Variants in TNFRSF8 observed in about 807,000 individuals in gnomAD.
TNFRSF8 encodes TNF receptor superfamily member 8, also known as tumor necrosis factor receptor superfamily member 8.
A neutral mutation model predicts 70.8 loss-of-function variants in TNFRSF8; 26 were observed. That is an observed-to-expected ratio of 0.37 (90% confidence interval 0.27 to 0.51). The LOEUF (loss-of-function observed/expected upper bound fraction) is 0.51, where lower values mean the gene tolerates loss of function less well. TNFRSF8 is among the 20% of genes least tolerant of loss of function. The probability of loss-of-function intolerance (pLI) is 0.94; values close to 1 mark genes in which losing one functional copy is unlikely to be tolerated. For synonymous variants in TNFRSF8, 356 were observed against 339.2 expected (o/e 1.05, Z -0.54); for missense variants, 720 against 807.9 (o/e 0.89, Z 1.32).
intron 2 of TNFRSF8, among the ~76,000 whole-genome samples, chr1:12,093,565 G>C (rs1302723683): frequency 6.6e-6 from 1 of 152,094 alleles, no homozygotes; most frequent in Non-Finnish European, 1.5e-5. Flanking sequence ...CCTTGAGACA[G>C]GGTCTTGCTT....
At chr1:12,133,738 C>CAAAAAAAAAAAAAAAAAAAAAAAAA (rs34040378) in intron 12 of TNFRSF8, among the ~76,000 whole-genome samples, 1 of 91,010 alleles carries the variant, frequency 1.1e-5, no homozygotes. Context: ...GACTCCATCT[C>CAAAAAAAAAAAAAAAAAAAAAAAAA]AAAAAAAAAA....
In TNFRSF8 at chr1:12,112,081, T is replaced by G; in HGVS notation, c.793+67T>G. ...GCATTTTTGAACCGTGAACTTCCAG[T>G]AACTACTCCCCCTTATGTTTGTGGG... On this transcript the variant is annotated intron_variant, in intron 7 of 14. Coordinates refer to ENST00000263932, the MANE Select transcript of TNFRSF8 (RefSeq NM_001243.5). This position sits in a 1 kb window ranked among gnomAD's most constrained non-coding sequence, Gnocchi z 5.3. The G allele has an allele frequency of 8.6e-7, 1 of 1,162,154 alleles. No individual in the cohort carries two copies. Among genetic ancestry groups the G allele is most frequent in the Admixed American group, 1.9e-5 (1 of 52,312 alleles). 72.0% of individuals were successfully genotyped at this position (1,162,154 alleles called of 1,614,324 possible).
At chr1:12,106,070 C>A (rs960869931) in intron 4 of TNFRSF8, among the ~76,000 whole-genome samples, 1 of 152,042 alleles carries the variant, frequency 6.6e-6, no homozygotes, top group Non-Finnish European at 1.5e-5. Context: ...TACATAATGT[C>A]CAGGGCTTTT....
rs185866852 is a variant in TNFRSF8 at position 12,064,470 on chromosome 1, T to C, written c.63+809T>C. On this transcript the variant is annotated intron_variant, in intron 1 of 14. Transcript: ENST00000263932. ...GCCCTCAGCTGACCCAGGACCCCGG[T>C]GGACCCCTGCATAGAACCATAGTAG... Among the ~76,000 whole-genome samples, 489 of 152,012 alleles carry C rather than the reference T, an allele frequency of 3.2e-3. 2 individuals carry two copies. The highest frequency in any genetic ancestry group is 4.6e-3 in the Non-Finnish European group (315 of 67,982).
intron 8 of TNFRSF8, 88 bp from the exon 9 acceptor site, chr1:12,123,196 G>A (rs751886163): frequency 2.1e-5 from 25 of 1,175,640 alleles, no homozygotes; most frequent in Non-Finnish European, 2.6e-5. Flanking sequence ...TTGCCTCGCT[G>A]GAAGCCACCA....
chr1:12,067,806 T>C (rs1640768098), intron 1 of TNFRSF8, among the ~76,000 whole-genome samples: 3 of 150,234 alleles, frequency 2.0e-5, no homozygotes, highest in African/African-American at 7.4e-5. Context: ...TTTCAGGGAG[T>C]GGCAAGAGGG....
At chr1:12,114,762 G>A (rs1641698539) in intron 7 of TNFRSF8, among the ~76,000 whole-genome samples, 1 of 124,978 alleles carries the variant, frequency 8.0e-6, no homozygotes, top group Non-Finnish European at 1.6e-5. Context: ...AGGCTGGAGT[G>A]CAGTGGCACT....
At chr1:12,124,171 A>G (rs1166703256) in intron 10 of TNFRSF8, among the ~76,000 whole-genome samples, 1 of 151,778 alleles carries the variant, frequency 6.6e-6, no homozygotes, top group Non-Finnish European at 1.5e-5. Flanking sequence ...CGCCTGGCTA[A>G]ATTTTTTTTT....
chr1:12,115,441 G>A (rs1229845432), intron 7 of TNFRSF8, 136 bp from the exon 8 acceptor site: 8 of 969,984 alleles, frequency 8.2e-6, no homozygotes, highest in African/African-American at 3.2e-5. Context: ...GCTGCTCAAC[G>A]GCATAGTCAG....
chr1:12,117,329 C>G (rs1278789576), intron 8 of TNFRSF8, among the ~76,000 whole-genome samples: 1 of 152,070 alleles, frequency 6.6e-6, no homozygotes, highest in Non-Finnish European at 1.5e-5. Context: ...GTGATCTGCC[C>G]GCCTCCACCT....
Position 12,123,843 on chromosome 1 carries a change from C to G in TNFRSF8, c.1153+16C>G, listed in dbSNP as rs747728971. On this transcript the variant is annotated intron_variant, in intron 10 of 14. Transcript: ENST00000263932. ...CTGGATGCAGGTAATGGTCCCAGCC[C>G]ACTCACCCCTACTCCCAGCAGGGGC... 6.5e-7 allele frequency: 1 copy of G among 1,548,858 alleles called. No individual in the cohort carries two copies. Among genetic ancestry groups the G allele is most frequent in the South Asian group, 1.2e-5 (1 of 84,148 alleles).
rs1641784852 is a variant in TNFRSF8, at chr1:12,119,033, TTTTGTATTTTTAGTAG to T, written c.946+3305_946+3320del. Among the ~76,000 whole-genome samples, 1 of 152,096 alleles carries T rather than the reference TTTTGTATTTTTAGTAG, an allele frequency of 6.6e-6. No homozygotes were observed. Among genetic ancestry groups the T allele is most frequent in the Non-Finnish European group, 1.5e-5 (1 of 68,020 alleles). ...GCACGCGCCACCACGCCTGGCTAATTTTTGTATTTTTAGTAGAGACAGGGTTTCACCATGATGGTCA... is the reference window on the plus strand; with the variant it reads ...GCACGCGCCACCACGCCTGGCTAATTAGACAGGGTTTCACCATGATGGTCA... On this transcript the variant is annotated intron_variant, in intron 8 of 14. Transcript: ENST00000263932. The surrounding 1 kb of genome is among the most constrained non-coding windows in gnomAD (Gnocchi z 4.4).
intron 14 of TNFRSF8, among the ~76,000 whole-genome samples, chr1:12,140,964 G>A (rs1642242084): frequency 6.6e-6 from 1 of 152,176 alleles, no homozygotes; most frequent in Admixed American, 6.5e-5. Flanking sequence ...CCTGATGGAG[G>A]TGTGGGGAGT....
intron 4 of TNFRSF8, among the ~76,000 whole-genome samples, chr1:12,107,989 A>G (rs566688967): frequency 6.6e-6 from 1 of 152,170 alleles, no homozygotes; most frequent in East Asian, 1.9e-4. Flanking sequence ...TCACTCCACC[A>G]TGCCACAGAA....
chr1:12,107,863 G>A (rs757742154), intron 4 of TNFRSF8, among the ~76,000 whole-genome samples: 4 of 152,028 alleles, frequency 2.6e-5, no homozygotes, highest in Non-Finnish European at 5.9e-5. Context: ...AAATTCTCAC[G>A]TCTCCATAAG....
At position 12,123,360 on chromosome 1, in the gene TNFRSF8, T is replaced by C; in HGVS notation, c.1023T>C (p.Asn341=). 1 of 1,611,358 alleles carries C rather than the reference T, an allele frequency of 6.2e-7. No homozygotes were observed. Among genetic ancestry groups the C allele is most frequent in the Non-Finnish European group, 8.5e-7 (1 of 1,178,962 alleles). Reference sequence around the variant, plus strand: ...CGGACTGCAACCCCACCCCAGAGAATGGCGAGGCGCCTGCCAGGTGACTCC... The same window carrying C: ...CGGACTGCAACCCCACCCCAGAGAACGGCGAGGCGCCTGCCAGGTGACTCC... ...TQPDCNPTPE[N]GEAPASTSPT... Residue 341 remains asparagine (N), a synonymous_variant, in exon 9 of 15, where the codon AAT becomes AAC. Coordinates refer to ENST00000263932, the MANE Select transcript of TNFRSF8 (RefSeq NM_001243.5).
intron 2 of TNFRSF8, among the ~76,000 whole-genome samples, chr1:12,086,419 T>A (rs1192682245): frequency 1.3e-5 from 2 of 152,076 alleles, no homozygotes; most frequent in Non-Finnish European, 2.9e-5. Context: ...GGTCCCCTGG[T>A]TTTTTCAGTG....
At position 12,138,370 on chromosome 1, in the gene TNFRSF8, G is replaced by A. The variant is rs556697675; in HGVS notation, c.1477G>A (p.Gly493Ser). ...LPLQDASPAGGPSSPRDLPEP... is the reference protein window; with the variant it reads ...LPLQDASPAGSPSSPRDLPEP... ...GCTGCAGGATGCCAGCCCGGCCGGGGGCCCCTCGTCCCCCAGGGACCTTCC... is the reference window on the plus strand; with the variant it reads ...GCTGCAGGATGCCAGCCCGGCCGGGAGCCCCTCGTCCCCCAGGGACCTTCC... The change falls in exon 14 of 15, where the codon GGC becomes AGC. Residue 493 changes from glycine (G) to serine (S), a missense_variant. Physicochemically the swap from Gly to Ser is moderately conservative, Grantham distance 56 (BLOSUM62 0). Coordinates refer to ENST00000263932, the MANE Select transcript of TNFRSF8 (RefSeq NM_001243.5). This position sits in a 1 kb window ranked among gnomAD's most constrained non-coding sequence, Gnocchi z 5.7. 1 of 1,613,634 alleles carries A rather than the reference G, an allele frequency of 6.2e-7. No individual in the cohort carries two copies. Among genetic ancestry groups the A allele is most frequent in the Non-Finnish European group, 8.5e-7 (1 of 1,179,866 alleles).
intron 12 of TNFRSF8, among the ~76,000 whole-genome samples, chr1:12,133,427 G>A (rs1354976584): frequency 3.3e-5 from 5 of 151,920 alleles, no homozygotes; most frequent in African/African-American, 1.2e-4. Context: ...CCATGATTTA[G>A]TTTCACTGAC....
Sources: allele counts gnomAD v4.1 joint callset (sites outside exome capture counted in the v4.1 genomes callset), GRCh38; gene constraint gnomAD v4.1.1; non-coding constraint Gnocchi (gnomAD v3.1); transcripts MANE v1.5; gene names NCBI Gene and HGNC (gene_info 2026-07-23, HGNC 2026-07-21).